The following LRRC4C variants were observed in gnomAD, a reference collection of about 807,000 sequenced individuals.
LRRC4C encodes the protein leucine rich repeat containing 4C, also known as leucine-rich repeat-containing protein 4C.
A neutral mutation model predicts 33.6 loss-of-function variants in LRRC4C; 5 were observed. The observed-to-expected ratio is 0.15, with a 90% CI of 0.08 to 0.31. The LOEUF (loss-of-function observed/expected upper bound fraction) is 0.31, where lower values mean the gene tolerates loss of function less well. Among genes scored for constraint, LRRC4C ranks in the 10% least tolerant of loss-of-function variants. The pLI is 1.00. For synonymous variants in LRRC4C, 329 were observed against 302.0 expected, an observed-to-expected ratio of 1.09 and a Z score of -0.93; for missense variants, 560 against 796.7, an observed-to-expected ratio of 0.70 and a Z score of 3.58.
intron 1 of LRRC4C, among the ~76,000 whole-genome samples, chr11:41,066,062 T>G (rs1158719558): frequency 6.6e-6 from 1 of 152,100 alleles, no homozygotes; most frequent in African/African-American, 2.4e-5. Context: ...GGATGGAGAA[T>G]AAGATGGACA....
intron 4 of LRRC4C, among the ~76,000 whole-genome samples, 160 bp downstream of exon 4, chr11:40,319,468 G>T (rs1945735650): frequency 6.6e-6 from 1 of 152,172 alleles, no homozygotes; most frequent in South Asian, 2.1e-4. Context: ...CGCATGCACT[G>T]AAATGTTATC....
chr11:40,456,155 G>A (rs192067961), intron 3 of LRRC4C, among the ~76,000 whole-genome samples: 99 of 152,188 alleles, frequency 6.5e-4, no homozygotes, highest in African/African-American at 2.2e-3. Flanking sequence ...CCTCTTTAGC[G>A]TATCAGTCCT....
intron 5 of LRRC4C, among the ~76,000 whole-genome samples, chr11:40,203,514 C>T (rs1261316670): frequency 6.6e-6 from 1 of 152,152 alleles, no homozygotes; most frequent in Non-Finnish European, 1.5e-5. Context: ...GTTTCCTTAA[C>T]CTGAGTGAGG....
intron 3 of LRRC4C, among the ~76,000 whole-genome samples, chr11:40,450,775 T>TAA (rs768633791): frequency 2.3e-5 from 3 of 129,122 alleles, no homozygotes; most frequent in Admixed American, 7.8e-5. Context: ...CCCTGAAAAT[T>TAA]AAAAAAAAAA....
At chr11:41,084,376 C>G (rs956777248) in intron 1 of LRRC4C, among the ~76,000 whole-genome samples, 1 of 152,116 alleles carries the variant, frequency 6.6e-6, no homozygotes, top group African/African-American at 2.4e-5. Flanking sequence ...GTTTCTGTCT[C>G]TAAGGCTTGC....
chr11:40,600,084 T>C (rs1360930862), intron 3 of LRRC4C, among the ~76,000 whole-genome samples: 1 of 152,166 alleles, frequency 6.6e-6, no homozygotes, highest in East Asian at 1.9e-4. Context: ...GAGCTCTAAC[T>C]CTGTGCATAG....
chr11:41,151,210 A>T (rs1943984920), intron 1 of LRRC4C, among the ~76,000 whole-genome samples: 1 of 152,244 alleles, frequency 6.6e-6, no homozygotes, highest in Non-Finnish European at 1.5e-5. Flanking sequence ...TCTCCCATTA[A>T]GAAACAGTTG....
chr11:40,683,217 G>T (rs552453314), intron 2 of LRRC4C, among the ~76,000 whole-genome samples: 1 of 152,174 alleles, frequency 6.6e-6, no homozygotes, highest in East Asian at 1.9e-4. Flanking sequence ...CTCTTGCTGG[G>T]GACCACTGGA....
At chr11:40,779,057 G>A (rs1349723567) in intron 2 of LRRC4C, among the ~76,000 whole-genome samples, 1 of 152,210 alleles carries the variant, frequency 6.6e-6, no homozygotes, top group Non-Finnish European at 1.5e-5. Context: ...AGGAAGACGA[G>A]TTAAGTGATT....
In LRRC4C at chr11:41,100,008, CA is replaced by C. The variant is rs756548206; in HGVS notation, c.-495-166286del. On this transcript the variant is annotated intron_variant, in intron 1 of 6. Coordinates refer to ENST00000528697, the MANE Select transcript of LRRC4C (RefSeq NM_001258419.2). ...AGCAAAGTCTCGGGATACCCCCTCC[CA>C]AAAAAAAGTACAAAAATCACTAGTA... Among the ~76,000 whole-genome samples, 49 of 151,564 alleles carry C rather than the reference CA, an allele frequency of 3.2e-4. No homozygotes were observed. In the East Asian group the frequency reaches 8.7e-3, roughly 27 times the overall value.
At chr11:40,533,526 G>A (rs12284752) in intron 3 of LRRC4C, among the ~76,000 whole-genome samples, 13,372 of 152,080 alleles carry the variant, frequency 0.088, 1,666 homozygotes, top group African/African-American at 0.28. Flanking sequence ...TCACCCTCCC[G>A]GAGCATTGTA....
intron 3 of LRRC4C, among the ~76,000 whole-genome samples, chr11:40,389,477 A>AAC (rs1555042541): frequency 5.7e-4 from 86 of 151,270 alleles, no homozygotes; most frequent in South Asian, 2.1e-3. Flanking sequence ...CTCAAAAAAA[A>AAC]AAATAATCAA....
chr11:40,860,867 C>T lies in LRRC4C; in HGVS notation c.-407+72768G>A, dbSNP rs148909616. Reference sequence around the variant, plus strand: ...CAGAGAAATAACTCCTTATTGGAAACAAGGTTTTATTTTGATATGATGAAA... The same window carrying T: ...CAGAGAAATAACTCCTTATTGGAAATAAGGTTTTATTTTGATATGATGAAA... On this transcript the variant is annotated intron_variant, in intron 2 of 6. Coordinates refer to ENST00000528697, the MANE Select transcript of LRRC4C (RefSeq NM_001258419.2). Among the ~76,000 whole-genome samples the T allele has an allele frequency of 5.1e-3, 541 of 107,110 alleles. 6 individuals are homozygous for T. Among genetic ancestry groups the T allele is most frequent in the African/African-American group, 0.018 (509 of 27,820 alleles). 70.3% of individuals were successfully genotyped at this position (107,110 alleles called of 152,430 possible).
At chr11:40,207,867 T>A (rs1374138517) in intron 5 of LRRC4C, among the ~76,000 whole-genome samples, 1 of 152,126 alleles carries the variant, frequency 6.6e-6, no homozygotes, top group Non-Finnish European at 1.5e-5. Context: ...TAGCATTCCA[T>A]CCAGTTCCAC....
chr11:41,174,779 GT>G (rs112502164), intron 1 of LRRC4C, among the ~76,000 whole-genome samples: 10 of 151,020 alleles, frequency 6.6e-5, no homozygotes, highest in African/African-American at 2.4e-4. Flanking sequence ...GCCCTAATTT[GT>G]TTTTTTTAAA....
chr11:40,211,905 T>C (rs1863630814), intron 5 of LRRC4C, among the ~76,000 whole-genome samples: 1 of 152,192 alleles, frequency 6.6e-6, no homozygotes, highest in South Asian at 2.1e-4. Flanking sequence ...TGTATTAGAA[T>C]GTTGGGACAG....
chr11:41,345,126 T>A (rs1157451260), intron 1 of LRRC4C, among the ~76,000 whole-genome samples: 2 of 152,204 alleles, frequency 1.3e-5, no homozygotes, highest in Non-Finnish European at 2.9e-5. Context: ...ATAAGCTATG[T>A]TTTCATGAAA....
In LRRC4C at chr11:40,987,630, GATAT is replaced by G. The variant is rs747152583; in HGVS notation, c.-495-53911_-495-53908del. ...GGCTCTGCAGGTACAAGTGGGTAAT[GATAT>G]ATATATATATATATATATCTCATAT... On this transcript the variant is annotated intron_variant, in intron 1 of 6. Coordinates refer to ENST00000528697, the MANE Select transcript of LRRC4C (RefSeq NM_001258419.2). Among the ~76,000 whole-genome samples the G allele has an allele frequency of 1.0e-4, 9 of 88,596 alleles. 1 individual carries two copies. Among genetic ancestry groups the G allele is most frequent in the Admixed American group, 6.5e-4 (5 of 7,730 alleles). 58.1% of individuals were successfully genotyped at this position (88,596 alleles called of 152,430 possible).
At chr11:41,235,006 T>C (rs12290132) in intron 1 of LRRC4C, among the ~76,000 whole-genome samples, 5,609 of 151,830 alleles carry the variant, frequency 0.037, 148 homozygotes, top group African/African-American at 0.068. Context: ...ATAACCTAAA[T>C]AGGTGAAGGA....
Sources: allele counts gnomAD v4.1 joint callset (sites outside exome capture counted in the v4.1 genomes callset), GRCh38; gene constraint gnomAD v4.1.1; transcripts MANE v1.5; gene names NCBI Gene and HGNC (gene_info 2026-07-23, HGNC 2026-07-21).